Variants in NEBL observed in about 807,000 individuals in gnomAD.
The protein encoded by NEBL is nebulette.
A neutral mutation model predicts 140.2 loss-of-function variants in NEBL; 122 were observed. The observed-to-expected ratio is 0.87, with a 90% CI of 0.75 to 1.01. The LOEUF is 1.01. Ranked by LOEUF, NEBL falls within the 50% of genes least tolerant of loss-of-function variation. NEBL has a pLI of 0.00. For synonymous variants in NEBL, 436 were observed against 398.9 expected (o/e 1.09, Z -1.11); for missense variants, 1,365 against 1,231.3 (o/e 1.11, Z -1.62).
intron 2 of NEBL, chr10:21,113,470 C>T: frequency 2.8e-6 from 1 of 361,068 alleles, no homozygotes; most frequent in Non-Finnish European, 5.2e-6. Context: ...GGAGGCTATT[C>T]AGATCTCTGG....
intron 14 of NEBL, among the ~76,000 whole-genome samples, chr10:20,832,609 AT>A (rs1264304079): frequency 4.7e-5 from 7 of 150,354 alleles, no homozygotes; most frequent in South Asian, 2.1e-4. Context: ...GAAAAATGTT[AT>A]TAAAAAAAAC....
chr10:21,195,540 C>T (rs1418316159), intron 3 of NEBL, among the ~76,000 whole-genome samples: 1 of 152,168 alleles, frequency 6.6e-6, no homozygotes, highest in Non-Finnish European at 1.5e-5. Flanking sequence ...AAACATGAGA[C>T]AGGTGCTTTC....
chr10:21,146,950 G>A (rs1236207803), intron 2 of NEBL, among the ~76,000 whole-genome samples: 3 of 152,100 alleles, frequency 2.0e-5, no homozygotes, highest in Non-Finnish European at 2.9e-5. Context: ...GAAAATCAAT[G>A]GCTTCTTGAT....
chr10:21,172,994 G>C (rs530671590), intron 1 of NEBL, among the ~76,000 whole-genome samples: 1 of 152,192 alleles, frequency 6.6e-6, no homozygotes, highest in East Asian at 1.9e-4. Flanking sequence ...TGACTGTCAG[G>C]ATGGCAGCTT....
chr10:20,998,676 A>T (rs1322446230), intron 3 of NEBL, among the ~76,000 whole-genome samples: 1 of 152,174 alleles, frequency 6.6e-6, no homozygotes, highest in African/African-American at 2.4e-5. Context: ...AAATTCCAAT[A>T]ATGCACACAG....
chr10:20,831,970 T>C (rs955010456), intron 14 of NEBL, among the ~76,000 whole-genome samples: 6 of 152,218 alleles, frequency 3.9e-5, no homozygotes, highest in African/African-American at 1.2e-4. Flanking sequence ...GTTGCTTCTC[T>C]GGAATCCACC....
At chr10:21,220,116 T>A (rs1300956904) in intron 3 of NEBL, among the ~76,000 whole-genome samples, 2 of 152,136 alleles carry the variant, frequency 1.3e-5, no homozygotes, top group East Asian at 3.9e-4. Context: ...TTTCACCATG[T>A]TGGCCAGGCT....
At chr10:20,871,839 G>A (rs1052720345) in intron 5 of NEBL, among the ~76,000 whole-genome samples, 1 of 151,806 alleles carries the variant, frequency 6.6e-6, no homozygotes, top group Non-Finnish European at 1.5e-5. Context: ...TTTTTAAGCA[G>A]GCCAATTCCA....
intron 4 of NEBL, among the ~76,000 whole-genome samples, chr10:20,952,014 T>A (rs1368984356): frequency 6.6e-6 from 1 of 152,322 alleles, no homozygotes; most frequent in Non-Finnish European, 1.5e-5. Context: ...ACATGTGAAG[T>A]CCACATTCTG....
intron 2 of NEBL, among the ~76,000 whole-genome samples, chr10:21,027,529 A>G (rs1468689118): frequency 1.3e-5 from 2 of 152,000 alleles, no homozygotes; most frequent in African/African-American, 4.8e-5. Flanking sequence ...GGGTTTCACC[A>G]TGTTGCCCAG....
chr10:21,029,326 G>A lies in NEBL; in HGVS notation c.165-9125C>T, dbSNP rs7077698. ...GAACCTATCCTATGATGTGACAGAA[G>A]AGTCAATTAAGGAATTCTTTAGAGG... is the stretch of plus-strand genomic sequence containing the variant. On this transcript the variant is annotated intron_variant, in intron 2 of 6. Transcript: ENST00000417816. The A allele has an allele frequency of 3.4e-3, 5,540 of 1,610,814 alleles. 148 individuals are homozygous for A. In the African/African-American group the frequency reaches 0.06, roughly 17 times the overall value.
At chr10:21,190,461 G>C (rs1247454432) in intron 3 of NEBL, among the ~76,000 whole-genome samples, 2 of 152,174 alleles carry the variant, frequency 1.3e-5, no homozygotes, top group African/African-American at 4.8e-5. Context: ...TCCAGCCTGT[G>C]CGACAGAGCG....
chr10:21,144,199 C>T (rs945269035), intron 2 of NEBL, among the ~76,000 whole-genome samples: 3 of 152,246 alleles, frequency 2.0e-5, no homozygotes, highest in Non-Finnish European at 4.4e-5. Flanking sequence ...AACAAAGACA[C>T]AGTCATTGCC....
chr10:21,208,338 G>T (rs1305365737), intron 3 of NEBL, among the ~76,000 whole-genome samples: 1 of 152,164 alleles, frequency 6.6e-6, no homozygotes, highest in African/African-American at 2.4e-5. Flanking sequence ...TGTGCAAGTT[G>T]TTGTCTTTAG....
chr10:21,082,490 T>G (rs1360035335), intron 2 of NEBL, among the ~76,000 whole-genome samples: 1 of 144,488 alleles, frequency 6.9e-6, no homozygotes, highest in South Asian at 2.1e-4. Flanking sequence ...TTCTTTGTAG[T>G]GTACTGAAAA....
chr10:21,018,599 T>G (rs770719233), intron 3 of NEBL, among the ~76,000 whole-genome samples: 5 of 152,140 alleles, frequency 3.3e-5, no homozygotes, highest in Non-Finnish European at 7.3e-5. Flanking sequence ...GATTATTTCC[T>G]CTAATTAGAT....
At chr10:21,115,816 T>G (rs757546099) in intron 2 of NEBL, among the ~76,000 whole-genome samples, 12 of 152,118 alleles carry the variant, frequency 7.9e-5, no homozygotes, top group Non-Finnish European at 1.5e-4. Context: ...AATCCGCTCT[T>G]AATTTTTTAG....
In NEBL at chr10:20,787,291, C is replaced by A. The variant is rs756735282; in HGVS notation, c.2779G>T (p.Ala927Ser). ...SDEGAPVLPG[A>S]YQQSHSQGYG... ...CCTTGGGAATGGCTTTGCTGATAGG[C>A]TCCGGGAAGAACAGGTGCTGCATGT... The change falls in exon 27 of 28, where the codon GCC becomes TCC. Residue 927 changes from alanine (A) to serine (S), a missense_variant. Around this residue, in one of 2 missense-constraint regions of NEBL, gnomAD observed 1,323 missense variants for 1,154.8 expected, o/e 1.15. Coordinates refer to ENST00000377122, the MANE Select transcript of NEBL (RefSeq NM_006393.3). The A allele has an allele frequency of 6.2e-6, 10 of 1,613,038 alleles. No homozygotes were observed. Among genetic ancestry groups the A allele is most frequent in the Non-Finnish European group, 7.6e-6 (9 of 1,179,504 alleles).
At chr10:21,224,900 T>C (rs1842123453) in intron 3 of NEBL, among the ~76,000 whole-genome samples, 1 of 152,210 alleles carries the variant, frequency 6.6e-6, no homozygotes, top group African/African-American at 2.4e-5. Flanking sequence ...AGTAGTTTTT[T>C]GGTGGAGTCC....
Sources: allele counts gnomAD v4.1 joint callset (sites outside exome capture counted in the v4.1 genomes callset), GRCh38; gene constraint gnomAD v4.1.1; regional missense constraint gnomAD v4.1.1; transcripts MANE v1.5; gene names NCBI Gene and HGNC (gene_info 2026-07-23, HGNC 2026-07-21).